Variants in PCP4 observed in about 807,000 individuals in gnomAD.
The protein encoded by PCP4 is Purkinje cell protein 4, also known as calmodulin regulator protein PCP4.
A neutral mutation model predicts 10.0 loss-of-function variants in PCP4; 8 were observed. The observed-to-expected ratio is 0.80, with a 90% CI of 0.47 to 1.45. PCP4 has a LOEUF of 1.45. Among genes scored for constraint, PCP4 ranks in the 40% most tolerant of loss-of-function variants. PCP4 has a pLI of 0.00. For missense variants in PCP4, 54 were observed against 74.4 expected, an observed-to-expected ratio of 0.73 and a Z score of 1.01; for synonymous variants, 21 against 23.0, an observed-to-expected ratio of 0.91 and a Z score of 0.24.
intron 1 of PCP4, among the ~76,000 whole-genome samples, chr21:39,888,993 C>T (rs766589375): frequency 7.9e-5 from 12 of 152,166 alleles, no homozygotes; most frequent in Non-Finnish European, 1.5e-4. Context: ...TTTCCTGTGC[C>T]GTAGCCGTGA....
At chr21:39,895,099 C>A (rs2087450815) in intron 1 of PCP4, among the ~76,000 whole-genome samples, 1 of 151,934 alleles carries the variant, frequency 6.6e-6, no homozygotes. Flanking sequence ...ACCCATCCAT[C>A]CATCCACCCA....
chr21:39,922,192 T>A (rs763587213), intron 2 of PCP4, among the ~76,000 whole-genome samples: 7 of 152,316 alleles, frequency 4.6e-5, no homozygotes, highest in Non-Finnish European at 1.0e-4. Context: ...CTTCAACTGG[T>A]AGTATAATAG....
intron 1 of PCP4, among the ~76,000 whole-genome samples, chr21:39,868,583 A>G (rs1485209172): frequency 1.3e-5 from 2 of 152,176 alleles, no homozygotes; most frequent in Non-Finnish European, 2.9e-5. Flanking sequence ...ACCACAATCA[A>G]TGGTACCTGT....
intron 1 of PCP4, among the ~76,000 whole-genome samples, chr21:39,880,074 A>G (rs553150796): frequency 6.6e-6 from 1 of 152,256 alleles, no homozygotes; most frequent in Admixed American, 6.5e-5. Flanking sequence ...ACATAATTCC[A>G]TTATCTTTGC....
chr21:39,874,269 A>C (rs1239849505), intron 1 of PCP4, among the ~76,000 whole-genome samples: 1 of 152,122 alleles, frequency 6.6e-6, no homozygotes, highest in African/African-American at 2.4e-5. Context: ...ATGAGACTAA[A>C]ACGTCTCCAG....
At chr21:39,895,648 G>A (rs1268181141) in intron 1 of PCP4, among the ~76,000 whole-genome samples, 1 of 152,216 alleles carries the variant, frequency 6.6e-6, no homozygotes, top group Non-Finnish European at 1.5e-5. Context: ...GGTAAAGTGA[G>A]GCTGATGAAG....
chr21:39,891,242 C>T (rs570585440), intron 1 of PCP4, among the ~76,000 whole-genome samples: 1 of 152,314 alleles, frequency 6.6e-6, no homozygotes, highest in Non-Finnish European at 1.5e-5. Context: ...TGTCACTAGG[C>T]CCTCTCTGAG....
At chr21:39,871,552 T>C (rs1452387548) in intron 1 of PCP4, among the ~76,000 whole-genome samples, 1 of 152,232 alleles carries the variant, frequency 6.6e-6, no homozygotes, top group Non-Finnish European at 1.5e-5. Context: ...GCAAGGACTC[T>C]GACAGATCAA....
chr21:39,917,442 G>T (rs1568861198), intron 2 of PCP4, among the ~76,000 whole-genome samples: 2 of 152,196 alleles, frequency 1.3e-5, no homozygotes, highest in Non-Finnish European at 2.9e-5. Flanking sequence ...ATCGGGGAAT[G>T]ATGTCCTCCA....
intron 1 of PCP4, among the ~76,000 whole-genome samples, chr21:39,897,275 C>T (rs1054066118): frequency 6.6e-6 from 1 of 151,562 alleles, no homozygotes; most frequent in Non-Finnish European, 1.5e-5. Flanking sequence ...GTAATCCCAG[C>T]TACTCTGTAG....
At chr21:39,901,581 A>G (rs553717552) in intron 2 of PCP4, among the ~76,000 whole-genome samples, 102 of 152,340 alleles carry the variant, frequency 6.7e-4, no homozygotes, top group African/African-American at 2.4e-3. Context: ...AAACCAGTCC[A>G]CACCAGTGGA....
intron 2 of PCP4, among the ~76,000 whole-genome samples, chr21:39,903,184 T>A (rs1056079329): frequency 4.6e-5 from 7 of 152,136 alleles, no homozygotes; most frequent in African/African-American, 1.7e-4. Context: ...GATTTATGAA[T>A]AATAAACCTC....
rs144774184 is a variant in PCP4, at chr21:39,905,162, C to T, written c.61+6635C>T. ...AATACCAGAGGCACATGGGTGGTGG[C>T]GCCTTCAAGGTAAAAACTCAAACAG... On this transcript the variant is annotated intron_variant, in intron 2 of 2. Coordinates refer to ENST00000328619, the MANE Select transcript of PCP4 (RefSeq NM_006198.3). 2.6e-3 allele frequency among the ~76,000 whole-genome samples: 391 copies of T among 152,126 alleles called. 1 individual carries two copies. Among genetic ancestry groups the T allele is most frequent in the Non-Finnish European group, 3.9e-3 (262 of 68,008 alleles).
At chr21:39,907,894 G>A (rs541547736) in intron 2 of PCP4, among the ~76,000 whole-genome samples, 1 of 152,214 alleles carries the variant, frequency 6.6e-6, no homozygotes, top group Non-Finnish European at 1.5e-5. Flanking sequence ...AGAGAGGAGA[G>A]TGAATCTGAG....
chr21:39,898,041 GTC>G (rs1310456418), intron 1 of PCP4, among the ~76,000 whole-genome samples: 5 of 84,374 alleles, frequency 5.9e-5, no homozygotes, highest in African/African-American at 2.2e-4. Flanking sequence ...GCCAGACTCA[GTC>G]TCAAAAAAAA....
At chr21:39,880,692 A>T (rs2087371477) in intron 1 of PCP4, among the ~76,000 whole-genome samples, 1 of 152,138 alleles carries the variant, frequency 6.6e-6, no homozygotes, top group Non-Finnish European at 1.5e-5. Context: ...GTCCGGAGGG[A>T]ACAGAATGCA....
intron 2 of PCP4, among the ~76,000 whole-genome samples, chr21:39,919,457 C>T (rs751636289): frequency 6.6e-6 from 1 of 152,168 alleles, no homozygotes; most frequent in Non-Finnish European, 1.5e-5. Context: ...TTTTATAGTA[C>T]GCTATGTGCT....
intron 2 of PCP4, among the ~76,000 whole-genome samples, chr21:39,926,929 G>T (rs2087624503): frequency 6.6e-6 from 1 of 152,198 alleles, no homozygotes. Flanking sequence ...TAAAAAGGAA[G>T]CACCCCCATC....
intron 1 of PCP4, among the ~76,000 whole-genome samples, chr21:39,877,441 C>T (rs1033105712): frequency 2.0e-5 from 3 of 151,812 alleles, no homozygotes; most frequent in Non-Finnish European, 2.9e-5. Context: ...AATCCCAGCA[C>T]TTTGGGAGAC....
Sources: allele counts gnomAD v4.1 joint callset (sites outside exome capture counted in the v4.1 genomes callset), GRCh38; gene constraint gnomAD v4.1.1; transcripts MANE v1.5; gene names NCBI Gene and HGNC (gene_info 2026-07-23, HGNC 2026-07-21).